NBEA: variants seen among roughly 807,000 people sequenced by gnomAD.
NBEA encodes the protein lysosomal-trafficking regulator 2.
In NBEA, 44 loss-of-function variants were observed where a neutral mutation model predicts 343.4. The ratio of observed to expected loss-of-function variants is 0.13; its 90% CI spans 0.10 to 0.16. The LOEUF (loss-of-function observed/expected upper bound fraction) is 0.16, where lower values mean the gene tolerates loss of function less well. Ranked by LOEUF, NBEA falls within the 10% of genes least tolerant of loss-of-function variation. The pLI is 1.00. For synonymous variants in NBEA, 1,175 were observed against 1,238.7 expected, an observed-to-expected ratio of 0.95 and a Z score of 1.08; for missense variants, 2,555 against 3,631.3, an observed-to-expected ratio of 0.70 and a Z score of 7.62.
intron 36 of NBEA, among the ~76,000 whole-genome samples, chr13:35,341,308 A>G (rs915879593): frequency 6.6e-6 from 1 of 152,086 alleles, no homozygotes; most frequent in Non-Finnish European, 1.5e-5. Flanking sequence ...AGAAGGAAAC[A>G]TAGTTAAAAA....
chr13:35,510,020 G>T (rs1412504114), intron 41 of NBEA, among the ~76,000 whole-genome samples: 2 of 152,152 alleles, frequency 1.3e-5, no homozygotes, highest in African/African-American at 4.8e-5. Context: ...GATCTGATCT[G>T]AATATGAAAT....
At chr13:35,141,123 G>A (rs2068066139) in intron 17 of NBEA, among the ~76,000 whole-genome samples, 1 of 152,146 alleles carries the variant, frequency 6.6e-6, no homozygotes, top group African/African-American at 2.4e-5. Context: ...ATACAGATGT[G>A]GACCAAGGAA....
At chr13:35,463,394 G>A (rs986100061) in intron 40 of NBEA, among the ~76,000 whole-genome samples, 2 of 152,212 alleles carry the variant, frequency 1.3e-5, no homozygotes, top group Non-Finnish European at 2.9e-5. Flanking sequence ...AGGGTGAGGC[G>A]GGAGGATCGC....
At chr13:35,139,625 T>C (rs2067955292) in intron 17 of NBEA, among the ~76,000 whole-genome samples, 1 of 152,016 alleles carries the variant, frequency 6.6e-6, no homozygotes, top group Admixed American at 6.6e-5. Context: ...AATGTCCCAC[T>C]GAAGCCTTTC....
At chr13:35,263,436 A>G (rs2033387348) in intron 34 of NBEA, among the ~76,000 whole-genome samples, 1 of 151,240 alleles carries the variant, frequency 6.6e-6, no homozygotes. Flanking sequence ...AAAAGGACCT[A>G]ACCGACATAT....
chr13:35,512,167 C>T (rs2077301636), intron 41 of NBEA, among the ~76,000 whole-genome samples: 1 of 152,196 alleles, frequency 6.6e-6, no homozygotes, highest in Non-Finnish European at 1.5e-5. Context: ...TGTGTTTGCA[C>T]TACAGGTACA....
Position 35,177,049 on chromosome 13 carries a change from A to G in NBEA, c.4608A>G (p.Arg1536=). 1.9e-6 allele frequency: 3 copies of G among 1,606,186 alleles called. No homozygotes were observed. Among genetic ancestry groups the G allele is most frequent in the Non-Finnish European group, 1.7e-6 (2 of 1,175,656 alleles). ...GNLSPIKDPD[R]LLQDVDINRL... ...TTTCTCCTATTAAGGATCCGGATAG[A>G]CTTCTTCAGGATGTTGATATCAATC... The change falls in exon 28 of 59, where the codon AGA becomes AGG. Residue 1536 remains arginine, a synonymous_variant. Coordinates refer to ENST00000379939, the MANE Select transcript of NBEA (RefSeq NM_001385012.1).
intron 45 of NBEA, among the ~76,000 whole-genome samples, chr13:35,568,309 A>T (rs1401394309): frequency 2.0e-5 from 3 of 152,162 alleles, no homozygotes; most frequent in Non-Finnish European, 4.4e-5. Flanking sequence ...TGTTAAAGGG[A>T]CCTAAAAGAT....
At chr13:35,310,477 G>A (rs551314832) in intron 36 of NBEA, among the ~76,000 whole-genome samples, 93 of 152,282 alleles carry the variant, frequency 6.1e-4, no homozygotes, top group African/African-American at 2.1e-3. Context: ...AACACAGCAC[G>A]CTTTGCGGGC....
chr13:35,184,189 A>G, intron 30 of NBEA, 118 bp downstream of exon 30: 1 of 656,118 alleles, frequency 1.5e-6, no homozygotes, highest in Non-Finnish European at 2.5e-6. Flanking sequence ...TTTCATGGAG[A>G]TATGATATGT....
At chr13:35,506,339 G>C (rs1329558688) in intron 41 of NBEA, among the ~76,000 whole-genome samples, 1 of 152,196 alleles carries the variant, frequency 6.6e-6, no homozygotes, top group Non-Finnish European at 1.5e-5. Flanking sequence ...ATAGAACTGA[G>C]ATTACAAGCG....
chr13:35,305,910 C>A lies in NBEA; in HGVS notation c.5839-3618C>A, dbSNP rs1382570981. On this transcript the variant is annotated intron_variant, in intron 35 of 58. Coordinates refer to ENST00000379939, the MANE Select transcript of NBEA (RefSeq NM_001385012.1). Reference sequence around the variant, plus strand: ...TCTTCATATGTTACTGATAGTTTGGCTGCATAGTTTGTTCTGAGTATTCTA... The same window carrying A: ...TCTTCATATGTTACTGATAGTTTGGATGCATAGTTTGTTCTGAGTATTCTA... 3.9e-5 allele frequency among the ~76,000 whole-genome samples: 6 copies of A among 152,096 alleles called. No homozygotes were observed. In the East Asian group the frequency reaches 1.2e-3, roughly 29 times the overall value.
intron 56 of NBEA, 107 bp downstream of exon 56, chr13:35,665,293 G>C: frequency 2.6e-6 from 2 of 780,312 alleles, no homozygotes; most frequent in South Asian, 3.4e-5. Flanking sequence ...TAGACAAATG[G>C]TATCCCAAAG....
intron 1 of NBEA, among the ~76,000 whole-genome samples, chr13:34,962,262 C>G (rs573189180): frequency 3.4e-4 from 51 of 152,098 alleles, no homozygotes; most frequent in African/African-American, 1.2e-3. Context: ...CTTTTTCTCT[C>G]TATGTGTGCA....
At chr13:35,535,659 A>G (rs1461534793) in intron 41 of NBEA, among the ~76,000 whole-genome samples, 1 of 152,034 alleles carries the variant, frequency 6.6e-6, no homozygotes, top group African/African-American at 2.4e-5. Context: ...ACTCACAGCA[A>G]CCCTGCAAAG....
At chr13:35,349,603 AT>A (rs1394562723) in intron 37 of NBEA, among the ~76,000 whole-genome samples, 1 of 145,470 alleles carries the variant, frequency 6.9e-6, no homozygotes, top group Non-Finnish European at 1.5e-5. Flanking sequence ...ATTCAAAAAA[AT>A]CTTTCAATTT....
intron 34 of NBEA, among the ~76,000 whole-genome samples, chr13:35,270,997 T>C (rs530103290): frequency 1.3e-3 from 192 of 152,290 alleles, no homozygotes; most frequent in Non-Finnish European, 2.3e-3. Flanking sequence ...AGAGCAGTGG[T>C]TCCCCCCAGC....
intron 16 of NBEA, among the ~76,000 whole-genome samples, chr13:35,122,638 G>A (rs1486783530): frequency 1.3e-5 from 2 of 151,900 alleles, no homozygotes; most frequent in African/African-American, 4.8e-5. Flanking sequence ...GTTAAGGGGT[G>A]CAGCACACCA....
chr13:35,371,789 T>A (rs2041448020), intron 38 of NBEA, among the ~76,000 whole-genome samples: 1 of 152,186 alleles, frequency 6.6e-6, no homozygotes, highest in Non-Finnish European at 1.5e-5. Context: ...TGAAGATATG[T>A]CTGTGGTGTT....
Sources: allele counts gnomAD v4.1 joint callset (sites outside exome capture counted in the v4.1 genomes callset), GRCh38; gene constraint gnomAD v4.1.1; transcripts MANE v1.5; gene names NCBI Gene and HGNC (gene_info 2026-07-23, HGNC 2026-07-21).